Variants in FBXL13 observed in about 807,000 individuals in gnomAD.
FBXL13 encodes the protein F-box and leucine-rich repeat protein 13.
Under a neutral mutation model 83.6 loss-of-function variants are expected in FBXL13, and 67 were observed. The observed-to-expected ratio is 0.80, with a 90% CI of 0.66 to 0.98. FBXL13 has a LOEUF of 0.98. FBXL13 is among the 50% of genes least tolerant of loss of function. FBXL13 has a pLI of 0.00. For missense variants in FBXL13, 822 were observed against 866.5 expected (o/e 0.95, Z 0.64); for synonymous variants, 272 against 299.5 (o/e 0.91, Z 0.95).
At chr7:102,837,221 C>T (rs1442738549) in intron 17 of FBXL13, among the ~76,000 whole-genome samples, 1 of 152,236 alleles carries the variant, frequency 6.6e-6, no homozygotes, top group Non-Finnish European at 1.5e-5. Flanking sequence ...GGCACCACAA[C>T]TAAACTCTGC....
At chr7:103,014,389 C>T (rs1480958913) in intron 6 of FBXL13, among the ~76,000 whole-genome samples, 1 of 151,842 alleles carries the variant, frequency 6.6e-6, no homozygotes, top group Non-Finnish European at 1.5e-5. Flanking sequence ...AAAAGCCTAC[C>T]AAACAGAAAA....
intron 1 of FBXL13, among the ~76,000 whole-genome samples, chr7:103,071,551 C>G (rs1180034421): frequency 7.9e-6 from 1 of 126,208 alleles, no homozygotes; most frequent in African/African-American, 2.9e-5. Context: ...GACAAGTTAG[C>G]TTTTTTTTTT....
chr7:102,927,133 A>G (rs2129472184), intron 9 of FBXL13, among the ~76,000 whole-genome samples: 1 of 152,284 alleles, frequency 6.6e-6, no homozygotes, highest in African/African-American at 2.4e-5. Flanking sequence ...AATTTACAAG[A>G]CCAGATGAAT....
At chr7:103,057,384 C>T (rs1482585976) in intron 1 of FBXL13, among the ~76,000 whole-genome samples, 2 of 150,384 alleles carry the variant, frequency 1.3e-5, no homozygotes, top group Admixed American at 1.3e-4. Context: ...GGTTTTCTAG[C>T]CTTTTAAAGT....
intron 19 of FBXL13, chr7:102,814,563 A>C (rs965788772): frequency 6.6e-6 from 1 of 152,246 alleles, no homozygotes; most frequent in Non-Finnish European, 1.5e-5. Flanking sequence ...CAGGGAGGTA[A>C]CCAAAGCATT....
In FBXL13 at chr7:103,025,011, C is replaced by A. The variant is rs537185691; in HGVS notation, c.495+52G>T. ...AAGCAGCTGGGATTACAGGCATGCA[C>A]CACCACACTTGGCAGATTATAGTAT... On this transcript the variant is annotated intron_variant, in intron 6 of 19. Transcript: ENST00000313221. The A allele has an allele frequency of 4.9e-5, 70 of 1,425,318 alleles. No homozygotes were observed. In the African/African-American group the frequency reaches 7.1e-4, roughly 15 times the overall value. The allele number at this position is 1,425,318 out of a possible 1,614,324, so 88.3% of individuals were successfully genotyped here.
intron 17 of FBXL13, among the ~76,000 whole-genome samples, chr7:102,835,852 G>A (rs1035981897): frequency 2.0e-5 from 3 of 151,720 alleles, no homozygotes; most frequent in South Asian, 2.1e-4. Flanking sequence ...CTCGTGATCC[G>A]CCCGCCTCGG....
At chr7:102,950,151 C>T (rs1823188619) in intron 8 of FBXL13, among the ~76,000 whole-genome samples, 1 of 151,924 alleles carries the variant, frequency 6.6e-6, no homozygotes, top group South Asian at 2.1e-4. Flanking sequence ...AAGAAAACAA[C>T]CTGGTTAAAA....
chr7:102,976,928 T>G (rs1014191297), intron 6 of FBXL13, among the ~76,000 whole-genome samples: 11 of 152,282 alleles, frequency 7.2e-5, no homozygotes, highest in African/African-American at 2.6e-4. Context: ...TGCAGTTCCC[T>G]CCAATACCAC....
intron 6 of FBXL13, among the ~76,000 whole-genome samples, chr7:102,972,824 A>G (rs909252451): frequency 3.3e-5 from 5 of 152,082 alleles, no homozygotes; most frequent in Non-Finnish European, 7.4e-5. Flanking sequence ...TGTATTGGTT[A>G]GAAGACAAAA....
At chr7:102,950,095 AC>A (rs573424707) in intron 8 of FBXL13, among the ~76,000 whole-genome samples, 196 of 152,220 alleles carry the variant, frequency 1.3e-3, no homozygotes, top group African/African-American at 4.4e-3. Flanking sequence ...AACCAGCAAG[AC>A]TCTGTCTCAA....
intron 17 of FBXL13, among the ~76,000 whole-genome samples, chr7:102,846,165 CT>C (rs577699215): frequency 5.6e-4 from 85 of 152,286 alleles, no homozygotes; most frequent in African/African-American, 2.0e-3. Flanking sequence ...GCTTATATAT[CT>C]GCCTAACCCA....
chr7:103,004,784 A>G (rs1374944815), intron 6 of FBXL13, among the ~76,000 whole-genome samples: 3 of 152,170 alleles, frequency 2.0e-5, no homozygotes, highest in African/African-American at 7.2e-5. Flanking sequence ...ACACCCAGGA[A>G]TCAACTCAGC....
rs547231397 is a variant in FBXL13, at chr7:102,925,873, G to A, written c.878+401C>T. On this transcript the variant is annotated intron_variant, in intron 10 of 19. Coordinates refer to ENST00000313221, the Ensembl canonical transcript of FBXL13. ...TGAGAATCGCTTGGACCCGGGAGGC[G>A]TAGGTTGCCATGAGCTAAGATCATG... 4.0e-5 allele frequency among the ~76,000 whole-genome samples: 6 copies of A among 150,808 alleles called. No individual in the cohort carries two copies. The South Asian group carries it at 1.1e-3, about 27-fold the overall frequency.
At chr7:102,946,800 G>C (rs867117088) in intron 8 of FBXL13, among the ~76,000 whole-genome samples, 1 of 151,708 alleles carries the variant, frequency 6.6e-6, no homozygotes, top group Non-Finnish European at 1.5e-5. Flanking sequence ...TCAGCCTCCC[G>C]AGTAGCTGGG....
chr7:102,942,337 G>T (rs761265248), intron 8 of FBXL13: 1 of 1,589,856 alleles, frequency 6.3e-7, no homozygotes, highest in Non-Finnish European at 8.6e-7. Context: ...AATGATTTTT[G>T]CTGTGGTAAG....
intron 1 of FBXL13, among the ~76,000 whole-genome samples, chr7:103,066,396 CT>C (rs769413596): frequency 1.7e-3 from 241 of 143,308 alleles, no homozygotes; most frequent in Admixed American, 1.7e-3. Context: ...AATGTAATTT[CT>C]TTTTTTTTTT....
At chr7:102,928,038 A>G (rs1818462487) in intron 9 of FBXL13, among the ~76,000 whole-genome samples, 1 of 152,230 alleles carries the variant, frequency 6.6e-6, no homozygotes, top group East Asian at 1.9e-4. Context: ...GGGACCAGGA[A>G]GAGGAAGGTG....
chr7:102,958,780 G>A (rs187948240), intron 8 of FBXL13, among the ~76,000 whole-genome samples: 3 of 151,902 alleles, frequency 2.0e-5, no homozygotes, highest in African/African-American at 7.3e-5. Context: ...GGCCTTGGTG[G>A]ATCAGAAACA....
Sources: allele counts gnomAD v4.1 joint callset (sites outside exome capture counted in the v4.1 genomes callset), GRCh38; gene constraint gnomAD v4.1.1; transcripts MANE v1.5; gene names NCBI Gene and HGNC (gene_info 2026-07-23, HGNC 2026-07-21).